Variants in ADAM12 observed in about 807,000 individuals in gnomAD.
ADAM12 encodes the protein disintegrin and metalloproteinase domain-containing protein 12.
In ADAM12, 70 loss-of-function variants were observed where a neutral mutation model predicts 106.4. The ratio of observed to expected loss-of-function variants is 0.66; its 90% CI spans 0.54 to 0.80. The LOEUF (loss-of-function observed/expected upper bound fraction) is 0.80. Ranked by LOEUF, ADAM12 falls within the 30% of genes least tolerant of loss-of-function variation. The pLI is 0.00. For synonymous variants in ADAM12, 420 were observed against 433.5 expected, an observed-to-expected ratio of 0.97 and a Z score of 0.39; for missense variants, 1,010 against 1,171.9, an observed-to-expected ratio of 0.86 and a Z score of 2.02.
At chr10:126,269,662 G>A (rs1193692444) in intron 3 of ADAM12, among the ~76,000 whole-genome samples, 2 of 152,142 alleles carry the variant, frequency 1.3e-5, no homozygotes, top group Non-Finnish European at 2.9e-5. Context: ...TGTCCTCTTG[G>A]GATACAGAGT....
At chr10:126,038,466 A>T in intron 19 of ADAM12, 117 bp from the exon 20 acceptor site, 2 of 738,992 alleles carry the variant, frequency 2.7e-6, no homozygotes, top group Non-Finnish European at 4.2e-6. Flanking sequence ...CAGTGTGCTA[A>T]ACATGCAAAG....
intron 21 of ADAM12, among the ~76,000 whole-genome samples, chr10:126,034,267 A>G (rs1489499194): frequency 6.6e-6 from 1 of 151,792 alleles, no homozygotes; most frequent in Non-Finnish European, 1.5e-5. Flanking sequence ...GTTTGGAAAC[A>G]TAATTACACA....
chr10:126,324,949 AC>A (rs1257869244), intron 2 of ADAM12, among the ~76,000 whole-genome samples: 1 of 151,922 alleles, frequency 6.6e-6, no homozygotes. Context: ...TGGGAACTCC[AC>A]GTGTGGTAGC....
In ADAM12 at chr10:126,345,082, G is replaced by C. The variant is rs999330057; in HGVS notation, c.89-14573C>G. On this transcript the variant is annotated intron_variant, in intron 1 of 22. Transcript: ENST00000448723. ...TATGTTGAATAGGAGTGGTGAGAGA[G>C]GGCATCCCTGTCTTGTGCCAGTTTT... Among the ~76,000 whole-genome samples the C allele has an allele frequency of 2.6e-5, 4 of 152,266 alleles. No homozygotes were observed. In the East Asian group the frequency reaches 5.8e-4, roughly 22 times the overall value.
rs192840350 is a variant in ADAM12, at chr10:126,264,365, T to C, written c.260+14550A>G. On this transcript the variant is annotated intron_variant, in intron 3 of 22. Coordinates refer to ENST00000448723, the MANE Select transcript of ADAM12 (RefSeq NM_001288973.2). ...AGTGGCCTTAGAAGGGCTGTGAAAA[T>C]AACTCTTTCTAAATAAATCGTCTCC... Among the ~76,000 whole-genome samples, 237 of 152,280 alleles carry C rather than the reference T, an allele frequency of 1.6e-3. 5 individuals are homozygous for C. Among genetic ancestry groups the C allele is most frequent in the South Asian group, 1.5e-3 (7 of 4,822 alleles).
At chr10:126,309,617 C>T (rs1960994222) in intron 2 of ADAM12, among the ~76,000 whole-genome samples, 1 of 152,144 alleles carries the variant, frequency 6.6e-6, no homozygotes, top group Non-Finnish European at 1.5e-5. Flanking sequence ...TTAAAGTGCT[C>T]CTATTGCATT....
chr10:126,253,878 C>T (rs1451826675), intron 3 of ADAM12, among the ~76,000 whole-genome samples: 3 of 152,216 alleles, frequency 2.0e-5, no homozygotes, highest in Non-Finnish European at 4.4e-5. Context: ...AAGCCCTCCC[C>T]GTTTCTCTTC....
rs554671412 is a variant in ADAM12, at chr10:126,053,863, G to A, written c.1610-4194C>T. ...TGGAATTACAGGTGCCCACCACCAC[G>A]ACTGGCTAATATTTTGTATTTTTAG... On this transcript the variant is annotated intron_variant, in intron 14 of 22. Coordinates refer to ENST00000448723, the MANE Select transcript of ADAM12 (RefSeq NM_001288973.2). The surrounding 1 kb of genome is among the most constrained non-coding windows in gnomAD (Gnocchi z 4.6). Among the ~76,000 whole-genome samples the A allele has an allele frequency of 3.3e-5, 5 of 152,072 alleles. No individual in the cohort carries two copies. The highest frequency in any genetic ancestry group is 2.1e-4 in the South Asian group (1 of 4,804).
intron 3 of ADAM12, among the ~76,000 whole-genome samples, chr10:126,172,833 A>G (rs1042735222): frequency 6.6e-6 from 1 of 152,236 alleles, no homozygotes; most frequent in Non-Finnish European, 1.5e-5. Flanking sequence ...CATTGTTCAC[A>G]ATAGCAAAGA....
rs1954563349 is a variant in ADAM12 at position 126,053,740 on chromosome 10, T to G, written c.1610-4071A>C. Among the ~76,000 whole-genome samples, 1 of 152,140 alleles carries G rather than the reference T, an allele frequency of 6.6e-6. No homozygotes were observed. The highest frequency in any genetic ancestry group is 1.5e-5 in the Non-Finnish European group (1 of 68,004). ...TTTTTTTTGAGAGAGAGTTTCGCTC[T>G]TGTTGCCCAGGCTCGAGTGCAATGG... On this transcript the variant is annotated intron_variant, in intron 14 of 22. Transcript: ENST00000448723. The surrounding 1 kb of genome is among the most constrained non-coding windows in gnomAD (Gnocchi z 4.6).
At chr10:126,126,413 C>G (rs1956207209) in intron 5 of ADAM12, among the ~76,000 whole-genome samples, 1 of 152,110 alleles carries the variant, frequency 6.6e-6, no homozygotes, top group African/African-American at 2.4e-5. Flanking sequence ...ATCTGGCTCC[C>G]TTTACACACC....
chr10:126,071,074 T>C (rs1954979305), intron 12 of ADAM12, among the ~76,000 whole-genome samples: 1 of 152,214 alleles, frequency 6.6e-6, no homozygotes, highest in South Asian at 2.1e-4. Context: ...TGGTTAAAAA[T>C]GAATGCTGCT....
intron 14 of ADAM12, among the ~76,000 whole-genome samples, chr10:126,060,172 G>A (rs973850191): frequency 8.5e-5 from 13 of 152,176 alleles, no homozygotes; most frequent in Non-Finnish European, 1.6e-4. Flanking sequence ...TTCTCAAAGT[G>A]TATTGCTTTG....
chr10:126,363,112 A>G (rs1474859047), intron 1 of ADAM12, among the ~76,000 whole-genome samples: 1 of 152,218 alleles, frequency 6.6e-6, no homozygotes, highest in Non-Finnish European at 1.5e-5. Context: ...AATTATTGCT[A>G]CAAAAATTAA....
chr10:126,110,490 A>AG, intron 6 of ADAM12, among the ~76,000 whole-genome samples: 1 of 152,214 alleles, frequency 6.6e-6, no homozygotes, highest in East Asian at 1.9e-4. Context: ...GAAAAAAAAA[A>AG]GAGCAAAGAG....
chr10:126,047,050 T>C (rs1054906760), intron 16 of ADAM12, among the ~76,000 whole-genome samples: 12 of 152,088 alleles, frequency 7.9e-5, no homozygotes, highest in African/African-American at 2.7e-4. Flanking sequence ...ATCAAGCTGT[T>C]GTAGTGGTAG....
At chr10:126,153,506 T>C (rs752203191) in intron 4 of ADAM12, among the ~76,000 whole-genome samples, 9 of 152,226 alleles carry the variant, frequency 5.9e-5, no homozygotes, top group African/African-American at 2.2e-4. Flanking sequence ...TGTGTGTTTT[T>C]AAATTTTATG....
At chr10:126,029,399 T>C (rs1377435148) in intron 21 of ADAM12, among the ~76,000 whole-genome samples, 1 of 152,216 alleles carries the variant, frequency 6.6e-6, no homozygotes, top group South Asian at 2.1e-4. Flanking sequence ...CATGGAATAC[T>C]ATGCAGCCAT....
chr10:126,241,298 A>G (rs1293738485), intron 3 of ADAM12, among the ~76,000 whole-genome samples: 1 of 152,228 alleles, frequency 6.6e-6, no homozygotes, highest in Non-Finnish European at 1.5e-5. Flanking sequence ...CTGGAATTAG[A>G]TAGTGGTGAC....
Sources: gnomAD v4.1 joint callset for allele counts (sites outside exome capture counted in the v4.1 genomes callset) on GRCh38, gnomAD v4.1.1 for gene constraint, Gnocchi (gnomAD v3.1) non-coding constraint, MANE v1.5 for transcripts, NCBI Gene and HGNC (gene_info 2026-07-23, HGNC 2026-07-21) for gene names.